The following RICTOR variants were observed in gnomAD, a reference collection of about 807,000 sequenced individuals.
The protein encoded by RICTOR is rapamycin-insensitive companion of mTOR.
A neutral mutation model predicts 214.9 loss-of-function variants in RICTOR; 49 were observed. The ratio of observed to expected loss-of-function variants is 0.23; its 90% CI spans 0.18 to 0.29. The LOEUF (loss-of-function observed/expected upper bound fraction) is 0.29. RICTOR is among the 10% of genes least tolerant of loss of function. RICTOR has a pLI of 1.00. For synonymous variants in RICTOR, 717 were observed against 711.3 expected, an observed-to-expected ratio of 1.01 and a Z score of -0.13; for missense variants, 1,625 against 2,047.0, an observed-to-expected ratio of 0.79 and a Z score of 3.98.
chr5:38,949,927 A>T lies in RICTOR; in HGVS notation c.3921T>A (p.Ser1307=), dbSNP rs2112848345. Residue 1307 remains serine (S), a synonymous_variant, in exon 31 of 38, where the codon TCT becomes TCA. Transcript: ENST00000357387. ...CTGCTAGACTTTTAATTGTAGCAAT[A>T]GAGGGTGCTTTAAGGGACTGTGCTC... is the stretch of plus-strand genomic sequence containing the variant. The part of the protein sequence containing the change: ...PRRAQSLKAP[S]IATIKSLADC... 6.2e-7 allele frequency: 1 copy of T among 1,613,502 alleles called. No individual in the cohort carries two copies. Among genetic ancestry groups the T allele is most frequent in the Non-Finnish European group, 8.5e-7 (1 of 1,179,576 alleles).
At chr5:39,059,894 T>G (rs1758427645) in intron 2 of RICTOR, among the ~76,000 whole-genome samples, 1 of 152,186 alleles carries the variant, frequency 6.6e-6, no homozygotes, top group East Asian at 1.9e-4. Context: ...AAGTGTTATC[T>G]CAAAAGGAGA....
At position 38,949,323 on chromosome 5, in the gene RICTOR, G is replaced by A. The variant is rs557082951; in HGVS notation, c.4136+389C>T. 3.7e-6 allele frequency: 5 copies of A among 1,334,586 alleles called. No individual in the cohort carries two copies. The East Asian group carries it at 1.2e-4, about 32-fold the overall frequency. The allele number at this position is 1,334,586 out of a possible 1,614,324, so 82.7% of individuals were successfully genotyped here. A position where few individuals can be genotyped will look rare whatever the true frequency, so the allele number is the denominator to read the frequency against. Reference sequence around the variant, plus strand: ...TTTATCTTTTTAAAAAAATAATAAAGAGGTCAACTTTTGGAGCCTTAAATT... The same window carrying A: ...TTTATCTTTTTAAAAAAATAATAAAAAGGTCAACTTTTGGAGCCTTAAATT... On this transcript the variant is annotated intron_variant, in intron 31 of 37. Coordinates refer to ENST00000357387, the MANE Select transcript of RICTOR (RefSeq NM_152756.5).
At chr5:39,073,883 G>A (rs1476362179) in intron 2 of RICTOR, among the ~76,000 whole-genome samples, 1 of 152,098 alleles carries the variant, frequency 6.6e-6, no homozygotes, top group South Asian at 2.1e-4. Context: ...GCAGCAGCCC[G>A]AGGCCCGGAG....
chr5:38,954,947 A>C, intron 26 of RICTOR, 86 bp from the exon 27 acceptor site: 7 of 646,824 alleles, frequency 1.1e-5, no homozygotes, highest in Non-Finnish European at 1.9e-5. Context: ...ATGTTTGATA[A>C]ATAAAATTAG....
chr5:38,963,467 C>T (rs754618993), intron 16 of RICTOR, among the ~76,000 whole-genome samples: 14 of 151,914 alleles, frequency 9.2e-5, no homozygotes, highest in Non-Finnish European at 1.8e-4. Context: ...AATCAATGAT[C>T]CCAGTATCAA....
intron 3 of RICTOR, among the ~76,000 whole-genome samples, chr5:39,015,186 C>T (rs188843035): frequency 2.0e-5 from 3 of 152,176 alleles, no homozygotes; most frequent in Non-Finnish European, 2.9e-5. Flanking sequence ...AAACAAACTC[C>T]ACTAGTCCTG....
chr5:39,074,043 C>T (rs1236093238), intron 2 of RICTOR, 68 bp downstream of exon 2: 68 of 1,216,962 alleles, frequency 5.6e-5, no homozygotes, highest in Non-Finnish European at 7.0e-5. Context: ...CTGCCTCTGG[C>T]CCCCAGCCCC....
chr5:39,067,345 T>C (rs757305866), intron 2 of RICTOR, among the ~76,000 whole-genome samples: 7 of 152,266 alleles, frequency 4.6e-5, no homozygotes, highest in East Asian at 1.9e-4. Context: ...GAACTCACTA[T>C]TGCAAAAACA....
At chr5:38,989,233 G>C (rs953254659) in intron 7 of RICTOR, among the ~76,000 whole-genome samples, 1 of 152,074 alleles carries the variant, frequency 6.6e-6, no homozygotes, top group African/African-American at 2.4e-5. Context: ...TCTGATCTTT[G>C]ACAAACCTGA....
intron 2 of RICTOR, among the ~76,000 whole-genome samples, chr5:39,072,823 T>A (rs1461157776): frequency 6.6e-6 from 1 of 152,206 alleles, no homozygotes; most frequent in Non-Finnish European, 1.5e-5. Context: ...TATATTGTAT[T>A]ATATTTTAGA....
intron 2 of RICTOR, among the ~76,000 whole-genome samples, chr5:39,036,948 A>G (rs1479562226): frequency 6.6e-6 from 1 of 152,190 alleles, no homozygotes; most frequent in African/African-American, 2.4e-5. Flanking sequence ...AATTGAACTC[A>G]GCTCTGCACC....
intron 2 of RICTOR, among the ~76,000 whole-genome samples, chr5:39,023,852 T>A (rs377614149): frequency 1.3e-5 from 2 of 152,232 alleles, no homozygotes; most frequent in African/African-American, 2.4e-5. Flanking sequence ...CTATTTCCAA[T>A]TGCTTTGAAG....
intron 7 of RICTOR, among the ~76,000 whole-genome samples, chr5:38,989,525 C>T (rs1053343996): frequency 1.3e-5 from 2 of 152,206 alleles, no homozygotes; most frequent in African/African-American, 4.8e-5. Flanking sequence ...AACTAAAGGG[C>T]TTCTGCACAG....
In RICTOR at chr5:38,994,468, A is replaced by G. The variant is rs536902237; in HGVS notation, c.456+2351T>C. Reference sequence around the variant, plus strand: ...AAAAAAAAAAGTGCTTCAGATGCCAAAAGCACTAATGAAATTATAGTTTCT... The same window carrying G: ...AAAAAAAAAAGTGCTTCAGATGCCAGAAGCACTAATGAAATTATAGTTTCT... On this transcript the variant is annotated intron_variant, in intron 6 of 37. Coordinates refer to ENST00000357387, the MANE Select transcript of RICTOR (RefSeq NM_152756.5). 2.8e-5 allele frequency among the ~76,000 whole-genome samples: 4 copies of G among 144,022 alleles called. No individual in the cohort carries two copies. The Admixed American group carries it at 2.9e-4, about 10-fold the overall frequency. The allele number at this position is 144,022 out of a possible 152,430, so 94.5% of individuals were successfully genotyped here.
intron 2 of RICTOR, among the ~76,000 whole-genome samples, chr5:39,038,263 T>A (rs1231144490): frequency 2.0e-5 from 3 of 152,138 alleles, no homozygotes; most frequent in Non-Finnish European, 2.9e-5. Flanking sequence ...TTGACAAAAT[T>A]CAACAGTCCT....
At position 38,940,647 on chromosome 5, in the gene RICTOR, T is replaced by C; in HGVS notation, c.*1657A>G. 4.3e-6 allele frequency: 1 copy of C among 232,952 alleles called. No individual in the cohort carries two copies. The highest frequency in any genetic ancestry group is 8.5e-6 in the Non-Finnish European group (1 of 117,616). 14.4% of individuals were successfully genotyped at this position (232,952 alleles called of 1,614,324 possible). Reference sequence around the variant, plus strand: ...CAGCTTACAGCCCTTATCTGCTTTGTTATAATGTAAGTTGCTACACAGTGC... The same window carrying C: ...CAGCTTACAGCCCTTATCTGCTTTGCTATAATGTAAGTTGCTACACAGTGC... On this transcript the variant is annotated 3_prime_UTR_variant, in exon 38 of 38. Coordinates refer to ENST00000357387, the MANE Select transcript of RICTOR (RefSeq NM_152756.5).
In RICTOR at chr5:38,967,910, T is replaced by C. The variant is rs374255837; in HGVS notation, c.1060+33A>G. 18 of 1,073,286 alleles carry C rather than the reference T, an allele frequency of 1.7e-5. No homozygotes were observed. In the African/African-American group the frequency reaches 2.8e-4, roughly 17 times the overall value. 66.5% of individuals were successfully genotyped at this position (1,073,286 alleles called of 1,614,324 possible). A position where few individuals can be genotyped will look rare whatever the true frequency, so the allele number is the denominator to read the frequency against. ...TCTCCATTAAATAAAAATTACAATA[T>C]ATGAAAAGATACAAATGTACTTCAA... On this transcript the variant is annotated intron_variant, in intron 12 of 37. Coordinates refer to ENST00000357387, the MANE Select transcript of RICTOR (RefSeq NM_152756.5).
intron 3 of RICTOR, among the ~76,000 whole-genome samples, chr5:39,019,330 G>A (rs948962183): frequency 1.8e-4 from 27 of 152,100 alleles, no homozygotes; most frequent in African/African-American, 6.5e-4. Flanking sequence ...AGACGCCATC[G>A]AGAACTTTCA....
chr5:39,020,988 G>A (rs1216050624), intron 3 of RICTOR, 51 bp downstream of exon 3: 1 of 876,314 alleles, frequency 1.1e-6, no homozygotes, highest in Admixed American at 1.7e-5. Flanking sequence ...TTTAGTAAGT[G>A]TGGTAAGGAA....
Sources: gnomAD v4.1 joint callset for allele counts (sites outside exome capture counted in the v4.1 genomes callset) on GRCh38, gnomAD v4.1.1 for gene constraint, MANE v1.5 for transcripts, NCBI Gene and HGNC (gene_info 2026-07-23, HGNC 2026-07-21) for gene names.